Variants in RELL1 observed in about 807,000 individuals in gnomAD.
RELL1 encodes RELT-like protein 1.
RELL1 carries 10 observed loss-of-function variants against 23.0 expected under a neutral mutation model. The observed-to-expected ratio is 0.43, with a 90% CI of 0.27 to 0.74. The LOEUF (loss-of-function observed/expected upper bound fraction) is 0.74, where lower values mean the gene tolerates loss of function less well. Among genes scored for constraint, RELL1 ranks in the 30% least tolerant of loss-of-function variants. The pLI is 0.19. For missense variants in RELL1, 315 were observed against 364.4 expected, an observed-to-expected ratio of 0.86 and a Z score of 1.10; for synonymous variants, 146 against 146.8, an observed-to-expected ratio of 0.99 and a Z score of 0.04.
intron 1 of RELL1, among the ~76,000 whole-genome samples, chr4:37,653,330 A>C (rs578038759): frequency 8.0e-6 from 1 of 125,766 alleles, no homozygotes; most frequent in Admixed American, 8.4e-5. Context: ...AAACCTCAAT[A>C]CAAGTATTGA....
chr4:37,665,223 A>G, intron 1 of RELL1: 1 of 456,232 alleles, frequency 2.2e-6, no homozygotes, highest in Non-Finnish European at 4.4e-6. Flanking sequence ...CCAAATGCCA[A>G]CAGTTTTTAC....
At chr4:37,601,558 G>A (rs1279079240) in intron 6 of RELL1, among the ~76,000 whole-genome samples, 1 of 152,194 alleles carries the variant, frequency 6.6e-6, no homozygotes, top group Non-Finnish European at 1.5e-5. Flanking sequence ...TGAGCCCTGT[G>A]CCAATCCAGG....
chr4:37,615,715 G>A (rs1203365712), intron 6 of RELL1, among the ~76,000 whole-genome samples: 1 of 152,178 alleles, frequency 6.6e-6, no homozygotes, highest in Non-Finnish European at 1.5e-5. Context: ...CCATTACATG[G>A]AAAACAGAAT....
chr4:37,634,460 C>T (rs886113977), intron 5 of RELL1, among the ~76,000 whole-genome samples: 2 of 152,224 alleles, frequency 1.3e-5, no homozygotes, highest in Non-Finnish European at 2.9e-5. Context: ...CAAAACCCCT[C>T]GTGAACAACC....
At chr4:37,672,637 T>G (rs1251941693) in intron 1 of RELL1, among the ~76,000 whole-genome samples, 1 of 104,034 alleles carries the variant, frequency 9.6e-6, no homozygotes, top group Non-Finnish European at 1.7e-5. Context: ...ACCCAGGAAC[T>G]AAGATCCACC....
chr4:37,644,821 T>C (rs1319769517), intron 3 of RELL1, among the ~76,000 whole-genome samples: 1 of 152,108 alleles, frequency 6.6e-6, no homozygotes, highest in Non-Finnish European at 1.5e-5. Context: ...CCCAGCTATA[T>C]ACTGTCCCTC....
chr4:37,626,448 A>G (rs1471031573), intron 6 of RELL1, among the ~76,000 whole-genome samples: 1 of 152,188 alleles, frequency 6.6e-6, no homozygotes, highest in African/African-American at 2.4e-5. Flanking sequence ...ACTGCATTGC[A>G]ACCTGGGCGA....
chr4:37,672,971 A>C (rs1256960537), intron 1 of RELL1, among the ~76,000 whole-genome samples: 1 of 152,166 alleles, frequency 6.6e-6, no homozygotes, highest in Non-Finnish European at 1.5e-5. Context: ...ACATACTTCC[A>C]AAATATAAAT....
chr4:37,621,594 C>T (rs1317963822), intron 6 of RELL1, among the ~76,000 whole-genome samples: 1 of 152,038 alleles, frequency 6.6e-6, no homozygotes, highest in Non-Finnish European at 1.5e-5. Context: ...TCCCTCAAGC[C>T]CCCTTGGGTC....
chr4:37,614,621 G>A (rs1464666891), intron 6 of RELL1, among the ~76,000 whole-genome samples: 1 of 150,502 alleles, frequency 6.6e-6, no homozygotes, highest in Non-Finnish European at 1.5e-5. Flanking sequence ...CATTCTAGCA[G>A]AGGGGGAAAA....
chr4:37,643,570 TAAAGGA>T (rs1467631964), intron 3 of RELL1, among the ~76,000 whole-genome samples: 1 of 152,068 alleles, frequency 6.6e-6, no homozygotes, highest in Non-Finnish European at 1.5e-5. Flanking sequence ...TTTTTTAACG[TAAAGGA>T]AAAGTCATGG....
At chr4:37,670,038 A>T (rs564275215) in intron 1 of RELL1, among the ~76,000 whole-genome samples, 8 of 150,448 alleles carry the variant, frequency 5.3e-5, no homozygotes, top group African/African-American at 1.5e-4. Flanking sequence ...GATCAATAAA[A>T]AAATAAATAA....
chr4:37,663,500 G>A (rs1457804843), intron 1 of RELL1, among the ~76,000 whole-genome samples: 1 of 152,228 alleles, frequency 6.6e-6, no homozygotes. Flanking sequence ...TAAAGAATGA[G>A]TTGCTACTTT....
At chr4:37,603,489 CAT>C (rs1295158117) in intron 6 of RELL1, among the ~76,000 whole-genome samples, 1 of 152,190 alleles carries the variant, frequency 6.6e-6, no homozygotes, top group Non-Finnish European at 1.5e-5. Context: ...AGATACAAAA[CAT>C]AGTCCTCTTT....
At chr4:37,605,012 T>C (rs889363373) in intron 6 of RELL1, among the ~76,000 whole-genome samples, 1 of 151,900 alleles carries the variant, frequency 6.6e-6, no homozygotes, top group African/African-American at 2.4e-5. Context: ...CAGTAATATA[T>C]TTTCAAACTA....
At chr4:37,646,789 G>A (rs1366482109) in intron 3 of RELL1, among the ~76,000 whole-genome samples, 1 of 152,096 alleles carries the variant, frequency 6.6e-6, no homozygotes, top group Non-Finnish European at 1.5e-5. Flanking sequence ...GTGCAGTGGT[G>A]TGATCACAGC....
intron 6 of RELL1, among the ~76,000 whole-genome samples, chr4:37,599,700 C>T (rs1718966355): frequency 6.6e-6 from 1 of 152,118 alleles, no homozygotes; most frequent in Non-Finnish European, 1.5e-5. Context: ...ACAGCTTCAG[C>T]TTTATCTGTA....
At chr4:37,663,191 C>T (rs1314660451) in intron 1 of RELL1, among the ~76,000 whole-genome samples, 1 of 152,172 alleles carries the variant, frequency 6.6e-6, no homozygotes, top group Non-Finnish European at 1.5e-5. Flanking sequence ...CCCCTCCCTC[C>T]CTCTTTCGCT....
At chr4:37,603,390 TGAG>T (rs757596767) in intron 6 of RELL1, among the ~76,000 whole-genome samples, 76 of 152,050 alleles carry the variant, frequency 5.0e-4, no homozygotes, top group Non-Finnish European at 8.8e-4. Context: ...TCTGGGAAGA[TGAG>T]GAGAGGAGGG....
Sources: gnomAD v4.1 joint callset for allele counts (sites outside exome capture counted in the v4.1 genomes callset) on GRCh38, gnomAD v4.1.1 for gene constraint, MANE v1.5 for transcripts, NCBI Gene and HGNC (gene_info 2026-07-23, HGNC 2026-07-21) for gene names.